The following PTGER3 variants were observed in gnomAD, a reference collection of about 807,000 sequenced individuals.
PTGER3 encodes the protein prostaglandin E2 receptor EP3 subtype.
PTGER3 carries 22 observed loss-of-function variants against 34.7 expected under a neutral mutation model. The ratio of observed to expected loss-of-function variants is 0.63; its 90% confidence interval spans 0.45 to 0.91. The LOEUF (loss-of-function observed/expected upper bound fraction) is 0.91. Ranked by LOEUF, PTGER3 falls within the 40% of genes least tolerant of loss-of-function variation. The pLI is 0.00. For synonymous variants in PTGER3, 241 were observed against 230.1 expected (o/e 1.05, Z -0.43); for missense variants, 468 against 519.4 (o/e 0.90, Z 0.96).
At chr1:71,039,436 G>T (rs1213071302) in intron 1 of PTGER3, among the ~76,000 whole-genome samples, 1 of 151,898 alleles carries the variant, frequency 6.6e-6, no homozygotes. Flanking sequence ...GGATCATGAG[G>T]TCAGGAGATA....
At chr1:70,872,191 G>A (rs1464838424) in intron 4 of PTGER3, among the ~76,000 whole-genome samples, 1 of 152,162 alleles carries the variant, frequency 6.6e-6, no homozygotes, top group Non-Finnish European at 1.5e-5. Flanking sequence ...GAATGGGCAC[G>A]GGCCTCTGCT....
intron 4 of PTGER3, among the ~76,000 whole-genome samples, chr1:70,872,487 C>T (rs1275561744): frequency 6.6e-6 from 1 of 152,184 alleles, no homozygotes; most frequent in Non-Finnish European, 1.5e-5. Flanking sequence ...GGACTAAGCA[C>T]TGAGCATACA....
At chr1:70,943,466 C>A (rs763372054) in intron 4 of PTGER3, among the ~76,000 whole-genome samples, 1 of 151,926 alleles carries the variant, frequency 6.6e-6, no homozygotes, top group African/African-American at 2.4e-5. Context: ...TTACTAAAGT[C>A]CAGAAGATAA....
At chr1:70,944,495 A>C (rs939354274) in intron 4 of PTGER3, among the ~76,000 whole-genome samples, 2 of 152,180 alleles carry the variant, frequency 1.3e-5, no homozygotes, top group Non-Finnish European at 2.9e-5. Context: ...ACCAAGGTCC[A>C]TGCATTTCTG....
chr1:70,937,471 T>A (rs567546560), intron 4 of PTGER3, among the ~76,000 whole-genome samples: 1 of 152,214 alleles, frequency 6.6e-6, no homozygotes, highest in East Asian at 1.9e-4. Flanking sequence ...CATATGGACA[T>A]AAATTTAAGC....
intron 2 of PTGER3, among the ~76,000 whole-genome samples, chr1:70,988,925 CT>C (rs1227681962): frequency 5.3e-5 from 8 of 152,052 alleles, no homozygotes; most frequent in Non-Finnish European, 5.9e-5. Flanking sequence ...AGTTAATTAC[CT>C]AAATTGTTCA....
intron 2 of PTGER3, among the ~76,000 whole-genome samples, chr1:70,976,292 C>CAA (rs1653692277): frequency 6.6e-6 from 1 of 152,016 alleles, no homozygotes; most frequent in Non-Finnish European, 1.5e-5. Context: ...TTTCCAAACC[C>CAA]ATGGAATGTA....
At chr1:70,998,260 A>AT (rs1208188070) in intron 2 of PTGER3, 1 of 152,178 alleles carries the variant, frequency 6.6e-6, no homozygotes, top group African/African-American at 2.4e-5. Context: ...AGTATAGGGA[A>AT]TTTTTCTTTG....
At chr1:70,854,752 C>A (rs1267815165) in intron 4 of PTGER3, among the ~76,000 whole-genome samples, 1 of 152,160 alleles carries the variant, frequency 6.6e-6, no homozygotes, top group Non-Finnish European at 1.5e-5. Flanking sequence ...TTCAATTACC[C>A]AGTCTCAGGT....
In PTGER3 at chr1:70,981,380, TTTCTTTCTTTCTTTCCTTCCTTCCTTCC is replaced by T. The variant is rs1437060640; in HGVS notation, c.1078-7020_1078-6993del. On this transcript the variant is annotated intron_variant, in intron 2 of 3. Coordinates refer to ENST00000306666, the MANE Select transcript of PTGER3 (RefSeq NM_198719.2). Reference sequence around the variant, plus strand: ...CTTTCTTTCTTTCTTTCTTTCTTTCTTTCTTTCTTTCTTTCCTTCCTTCCTTCCTTCCTTCCTTCTTTCTTTTCTTTCA... The same window carrying T: ...CTTTCTTTCTTTCTTTCTTTCTTTCTTTCCTTCCTTCTTTCTTTTCTTTCA... 9.6e-3 allele frequency among the ~76,000 whole-genome samples: 641 copies of T among 66,782 alleles called. 14 individuals are homozygous for T. The highest frequency in any genetic ancestry group is 0.041 in the African/African-American group (598 of 14,692). 43.8% of individuals were successfully genotyped at this position (66,782 alleles called of 152,430 possible). A position where few individuals can be genotyped will look rare whatever the true frequency, so the allele number is the denominator to read the frequency against.
At chr1:70,915,235 A>G (rs1015061102) in intron 4 of PTGER3, among the ~76,000 whole-genome samples, 2 of 151,884 alleles carry the variant, frequency 1.3e-5, no homozygotes, top group South Asian at 2.1e-4. Flanking sequence ...TTCTGTTACA[A>G]TCAATGTCCC....
At chr1:70,953,103 T>C in intron 3 of PTGER3, 1 of 1,474,772 alleles carries the variant, frequency 6.8e-7, no homozygotes, top group Non-Finnish European at 9.1e-7. Context: ...TAATAAAAAA[T>C]AACAATATGA....
In PTGER3 at chr1:71,046,306, A is replaced by AC. The variant is rs1553181240; in HGVS notation, c.897+374dup. On this transcript the variant is annotated intron_variant, in intron 1 of 3. Coordinates refer to ENST00000306666, the MANE Select transcript of PTGER3 (RefSeq NM_198719.2). ...GTCTCAAAAAAAAAAAAAAAAAAAA[A>AC]CCCCACAATATCAGGCTACAGTTAT... 6.5e-4 allele frequency among the ~76,000 whole-genome samples: 95 copies of AC among 147,158 alleles called. 2 individuals are homozygous for AC. Among genetic ancestry groups the AC allele is most frequent in the East Asian group, 1.2e-3 (6 of 4,824 alleles).
intron 1 of PTGER3, among the ~76,000 whole-genome samples, chr1:71,031,412 T>C (rs555833503): frequency 6.6e-6 from 1 of 152,242 alleles, no homozygotes; most frequent in African/African-American, 2.4e-5. Context: ...CAATTCTGGA[T>C]AACCGTTTCT....
At chr1:70,920,617 C>T (rs1647429424) in intron 4 of PTGER3, among the ~76,000 whole-genome samples, 1 of 152,138 alleles carries the variant, frequency 6.6e-6, no homozygotes, top group Admixed American at 6.6e-5. Flanking sequence ...AATATGGGAA[C>T]TTTAGATATA....
intron 4 of PTGER3, among the ~76,000 whole-genome samples, chr1:70,898,247 G>A (rs1264291618): frequency 2.6e-5 from 4 of 152,160 alleles, no homozygotes; most frequent in Non-Finnish European, 5.9e-5. Flanking sequence ...ATGAACTTGA[G>A]CAACACACAC....
At chr1:70,856,400 A>G (rs1417022008) in intron 4 of PTGER3, among the ~76,000 whole-genome samples, 1 of 145,116 alleles carries the variant, frequency 6.9e-6, no homozygotes, top group Non-Finnish European at 1.5e-5. Context: ...ATATTGCACC[A>G]TTGCACTCCA....
chr1:70,963,216 C>G (rs1652131094), intron 2 of PTGER3, among the ~76,000 whole-genome samples: 1 of 152,328 alleles, frequency 6.6e-6, no homozygotes, highest in South Asian at 2.1e-4. Context: ...TACATCCCCT[C>G]TCCTGACTGA....
rs1225240720 is a variant in PTGER3, at chr1:70,987,240, A to G, written c.1078-12852T>C. 5.3e-5 allele frequency among the ~76,000 whole-genome samples: 8 copies of G among 152,344 alleles called. No homozygotes were observed. In the South Asian group the frequency reaches 1.0e-3, roughly 20 times the overall value. On this transcript the variant is annotated intron_variant, in intron 2 of 3. Coordinates refer to ENST00000306666, the MANE Select transcript of PTGER3 (RefSeq NM_198719.2). Reference sequence around the variant, plus strand: ...AGGAAGGAAATGGAAACAATGTCAAATAAGAACAGCCATTCTAATTCCAAA... The same window carrying G: ...AGGAAGGAAATGGAAACAATGTCAAGTAAGAACAGCCATTCTAATTCCAAA...
Sources: gnomAD v4.1 joint callset for allele counts (sites outside exome capture counted in the v4.1 genomes callset) on GRCh38, gnomAD v4.1.1 for gene constraint, MANE v1.5 for transcripts, NCBI Gene and HGNC (gene_info 2026-07-23, HGNC 2026-07-21) for gene names.